CDCA5: variants seen among roughly 807,000 people sequenced by gnomAD.
The protein encoded by CDCA5 is sororin.
Under a neutral mutation model 25.7 loss-of-function variants are expected in CDCA5, and 14 were observed. That is an observed-to-expected ratio of 0.54 (90% CI 0.36 to 0.85). The LOEUF (loss-of-function observed/expected upper bound fraction) is 0.85. Among genes scored for constraint, CDCA5 ranks in the 40% least tolerant of loss-of-function variants. The pLI, the probability that CDCA5 is intolerant of heterozygous loss-of-function variation, is 0.01. For synonymous variants in CDCA5, 127 were observed against 128.7 expected, an observed-to-expected ratio of 0.99 and a Z score of 0.09; for missense variants, 307 against 324.5, an observed-to-expected ratio of 0.95 and a Z score of 0.41.
At chr11:65,073,275 G>A (rs891246935), downstream of CDCA5, among the ~76,000 whole-genome samples, 2 of 152,026 alleles carry the variant, frequency 1.3e-5, no homozygotes, top group African/African-American at 4.8e-5. Flanking sequence ...CTGTGGCATA[G>A]GTATTATTAT....
At chr11:65,080,509 G>A (rs1206071486) in intron 4 of CDCA5, among the ~76,000 whole-genome samples, 2 of 152,130 alleles carry the variant, frequency 1.3e-5, no homozygotes, top group Non-Finnish European at 2.9e-5. Context: ...AGCCTCCAGG[G>A]CTCACGCAAT....
Position 65,077,969 on chromosome 11 carries a change from T to G in CDCA5, c.*1138A>C, listed in dbSNP as rs80142790. ...GGCAGGGCAGCCTTCAAATCCACAC[T>G]ATTGAATCCACACGATGGAAAGAAG... On this transcript the variant is annotated 3_prime_UTR_variant, in exon 6 of 6. Transcript: ENST00000275517. The G allele has an allele frequency of 1.6e-3, 1,557 of 985,286 alleles. 22 individuals are homozygous for G. In the African/African-American group the frequency reaches 0.025, roughly 16 times the overall value. 61.0% of individuals were successfully genotyped at this position (985,286 alleles called of 1,614,324 possible).
intron 1 of CDCA5, among the ~76,000 whole-genome samples, chr11:65,069,631 T>C (rs1218596387): frequency 6.6e-6 from 1 of 152,182 alleles, no homozygotes; most frequent in Non-Finnish European, 1.5e-5. Context: ...GTCATGCCTC[T>C]GAGAACCTCA....
At chr11:65,083,858 G>A in intron 1 of CDCA5, 75 bp downstream of exon 1, 1 of 1,599,558 alleles carries the variant, frequency 6.3e-7, no homozygotes, top group Non-Finnish European at 8.5e-7. Flanking sequence ...GCAGCGGGAG[G>A]GAAGAGGCCA....
In CDCA5 at chr11:65,077,834, C is replaced by G; in HGVS notation, c.*1273G>C. ...GTACCCTGACCCAGCACTCATCTTC[C>G]CTGGCATTCTCTGTTATCCACCAGC... is the stretch of plus-strand genomic sequence containing the variant. On this transcript the variant is annotated 3_prime_UTR_variant, in exon 6 of 6. Transcript: ENST00000275517. 1.0e-6 allele frequency: 1 copy of G among 985,726 alleles called. No homozygotes were observed. Among genetic ancestry groups the G allele is most frequent in the Middle Eastern group, 5.2e-4 (1 of 1,916 alleles). The allele number at this position is 985,726 out of a possible 1,614,324, so 61.1% of individuals were successfully genotyped here. A position where few individuals can be genotyped will look rare whatever the true frequency, so the allele number is the denominator to read the frequency against.
intron 1 of CDCA5, among the ~76,000 whole-genome samples, chr11:65,071,944 T>C (rs774859953): frequency 3.9e-5 from 6 of 152,216 alleles, no homozygotes; most frequent in Non-Finnish European, 7.3e-5. Context: ...CCTCCTAGCC[T>C]GTGAAATGGG....
chr11:65,083,544 T>G lies in CDCA5; in HGVS notation c.148A>C (p.Ser50Arg). The G allele has an allele frequency of 6.2e-7, 1 of 1,614,164 alleles. No individual in the cohort carries two copies. The highest frequency in any genetic ancestry group is 8.5e-7 in the Non-Finnish European group (1 of 1,180,020). The change falls in exon 3 of 6, where the codon AGT (serine) becomes CGT (arginine). Residue 50 changes from serine to arginine, a missense_variant. Physicochemically the swap from Ser to Arg is moderately radical, Grantham distance 110. Transcript: ENST00000275517. ...ILPEIWPKTP[S>R]AAAVRKPIVL... is the part of the protein sequence containing the mutation. ...ATGGGCTTTCTGACTGCAGCCGCAC[T>G]GGGTGTCTGGAGAAGAGGGATGAAC...
At chr11:65,070,900 A>G (rs1947326644) in intron 1 of CDCA5, among the ~76,000 whole-genome samples, 1 of 151,468 alleles carries the variant, frequency 6.6e-6, no homozygotes, top group South Asian at 2.1e-4. Context: ...GCTACAGTGA[A>G]TGTCAGGGCA....
At chr11:65,077,271 A>G (rs1947464351), downstream of CDCA5, among the ~76,000 whole-genome samples, 1 of 151,874 alleles carries the variant, frequency 6.6e-6, no homozygotes, top group South Asian at 2.1e-4. Flanking sequence ...TGGGAGACAG[A>G]GCTAGACTCT....
intron 4 of CDCA5, among the ~76,000 whole-genome samples, chr11:65,067,344 T>C (rs145590985): frequency 2.0e-5 from 3 of 152,316 alleles, no homozygotes; most frequent in Non-Finnish European, 2.9e-5. Flanking sequence ...CTCAGGTCTA[T>C]GGCCTGGAAG....
Position 65,084,026 on chromosome 11 carries a change from G to C in CDCA5, c.-48C>G. 1 of 1,581,646 alleles carries C rather than the reference G, an allele frequency of 6.3e-7. No homozygotes were observed. The highest frequency in any genetic ancestry group is 8.6e-7 in the Non-Finnish European group (1 of 1,166,038). On this transcript the variant is annotated 5_prime_UTR_variant, in exon 1 of 6. Transcript: ENST00000275517. ...CCTCCAGCGCCGCCGCCCCGGGCGCGCGCCAACCGGGAAGGCCACTCGCTG... is the reference window on the plus strand; with the variant it reads ...CCTCCAGCGCCGCCGCCCCGGGCGCCCGCCAACCGGGAAGGCCACTCGCTG...
chr11:65,067,945 T>C, intron 3 of CDCA5: 1 of 1,019,082 alleles, frequency 9.8e-7, no homozygotes, highest in Non-Finnish European at 1.3e-6. Flanking sequence ...AGAAACACCA[T>C]CCACCTCCCC....
chr11:65,083,769 TAGAGTCC>T (rs769568194), intron 1 of CDCA5, 46 bp from the exon 2 acceptor site: 2 of 1,586,778 alleles, frequency 1.3e-6, no homozygotes, highest in Non-Finnish European at 1.7e-6. Context: ...CTCTAGACCT[TAGAGTCC>T]AGAGAACAGG....
In CDCA5 at chr11:65,079,153, T is replaced by C. The variant is rs138639197; in HGVS notation, c.713A>G (p.Asn238Ser). 6.6e-7 allele frequency: 1 copy of C among 1,522,508 alleles called. No individual in the cohort carries two copies. The highest frequency in any genetic ancestry group is 8.8e-7 in the Non-Finnish European group (1 of 1,137,396). The allele number at this position is 1,522,508 out of a possible 1,614,324, so 94.3% of individuals were successfully genotyped here. A position where few individuals can be genotyped will look rare whatever the true frequency, so the allele number is the denominator to read the frequency against. ...CTGCTCAGCAGCTTCAAACTCGGCA[T>C]TCATGGCCGCAGCCCACTCATCCAG... ...TELDEWAAAM[N>S]AEFEAAEQFD... The change falls in exon 6 of 6, where the codon AAT becomes AGT. Residue 238 changes from asparagine (N) to serine (S), a missense_variant. Asn to Ser is a conservative substitution (Grantham distance 46, BLOSUM62 1). Coordinates refer to ENST00000275517, the MANE Select transcript of CDCA5 (RefSeq NM_080668.4).
At chr11:65,067,612 A>G in intron 4 of CDCA5, 1 of 1,214,132 alleles carries the variant, frequency 8.2e-7, no homozygotes, top group Non-Finnish European at 1.1e-6. Context: ...GGTCGGGGGA[A>G]GCCCTGTCAC....
Position 65,079,169 on chromosome 11 carries a change from A to T in CDCA5, c.697T>A (p.Trp233Arg). 3 of 1,522,124 alleles carry T rather than the reference A, an allele frequency of 2.0e-6. No homozygotes were observed. In the South Asian group the frequency reaches 4.0e-5, roughly 20 times the overall value. The allele number at this position is 1,522,124 out of a possible 1,614,324, so 94.3% of individuals were successfully genotyped here. A position where few individuals can be genotyped will look rare whatever the true frequency, so the allele number is the denominator to read the frequency against. The change falls in exon 6 of 6, where the codon TGG (tryptophan) becomes AGG (arginine). Residue 233 changes from tryptophan (W) to arginine (R), a missense_variant. Coordinates refer to ENST00000275517, the MANE Select transcript of CDCA5 (RefSeq NM_080668.4). ...PEILKTELDEWAAAMNAEFEA... is the reference protein window; with the variant it reads ...PEILKTELDERAAAMNAEFEA... ...AACTCGGCATTCATGGCCGCAGCCCACTCATCCAGCTCCGTTTTCTGAGGG... is the reference window on the plus strand; with the variant it reads ...AACTCGGCATTCATGGCCGCAGCCCTCTCATCCAGCTCCGTTTTCTGAGGG...
downstream of CDCA5, among the ~76,000 whole-genome samples, chr11:65,065,779 C>T (rs2137055018): frequency 6.6e-6 from 1 of 152,074 alleles, no homozygotes; most frequent in South Asian, 2.1e-4. Context: ...GGCCAGAGGG[C>T]TCCTGGGTTG....
At chr11:65,079,835 C>T in intron 4 of CDCA5, 48 bp from the exon 5 acceptor site, 1 of 1,358,964 alleles carries the variant, frequency 7.4e-7, no homozygotes, top group Non-Finnish European at 9.6e-7. Context: ...AGCTGGACTG[C>T]TTACTTCCAG....
At chr11:65,075,948 C>G (rs1333257074), downstream of CDCA5, among the ~76,000 whole-genome samples, 1 of 152,136 alleles carries the variant, frequency 6.6e-6, no homozygotes, top group Admixed American at 6.6e-5. Flanking sequence ...CTGGCAGAGG[C>G]CCGAGCTTAG....
Sources: gnomAD v4.1 joint callset for allele counts (sites outside exome capture counted in the v4.1 genomes callset) on GRCh38, gnomAD v4.1.1 for gene constraint, MANE v1.5 for transcripts, NCBI Gene and HGNC (gene_info 2026-07-23, HGNC 2026-07-21) for gene names.